Variants in DLGAP2 observed in about 807,000 individuals in gnomAD.
The protein encoded by DLGAP2 is disks large-associated protein 2.
DLGAP2 carries 26 observed loss-of-function variants against 100.3 expected under a neutral mutation model. That is an observed-to-expected ratio of 0.26 (90% confidence interval 0.19 to 0.36). The LOEUF is 0.36. Among genes scored for constraint, DLGAP2 ranks in the 10% least tolerant of loss-of-function variants. The pLI, the probability that DLGAP2 is intolerant of heterozygous loss-of-function variation, is 1.00. For missense variants in DLGAP2, 1,858 were observed against 1,453.2 expected, an observed-to-expected ratio of 1.28 and a Z score of -4.53; for synonymous variants, 886 against 630.1, an observed-to-expected ratio of 1.41 and a Z score of -6.08.
intron 3 of DLGAP2, among the ~76,000 whole-genome samples, chr8:1,499,386 C>A (rs954613919): frequency 4.6e-5 from 7 of 152,142 alleles, no homozygotes; most frequent in Admixed American, 4.6e-4. Flanking sequence ...GTTGAAGGGC[C>A]CATTGTTTTA....
At chr8:1,336,056 G>A (rs927261693) in intron 3 of DLGAP2, among the ~76,000 whole-genome samples, 23 of 152,362 alleles carry the variant, frequency 1.5e-4, no homozygotes, top group African/African-American at 4.6e-4. Flanking sequence ...CGTTCAGCCC[G>A]TCTCATGTCA....
At chr8:886,721 C>G (rs1285141398) in intron 1 of DLGAP2, among the ~76,000 whole-genome samples, 1 of 152,208 alleles carries the variant, frequency 6.6e-6, no homozygotes, top group East Asian at 1.9e-4. Flanking sequence ...TTTGATTGCA[C>G]TGTGGTCTGG....
chr8:884,043 A>G (rs1010688259), intron 1 of DLGAP2, among the ~76,000 whole-genome samples: 6 of 152,164 alleles, frequency 3.9e-5, no homozygotes, highest in African/African-American at 1.4e-4. Context: ...TCTATCATTG[A>G]TGGGCATTTG....
chr8:835,676 G>A (rs932970216), intron 1 of DLGAP2, among the ~76,000 whole-genome samples: 1 of 152,162 alleles, frequency 6.6e-6, no homozygotes, highest in Non-Finnish European at 1.5e-5. Flanking sequence ...TGCTACCTGT[G>A]AACTTGGAAT....
rs1799284847 is a variant in DLGAP2 at position 1,258,910 on chromosome 8, T to TG, written c.106+30dup. The TG allele has an allele frequency of 4.1e-6, 5 of 1,231,560 alleles. No individual in the cohort carries two copies. In the East Asian group the frequency reaches 1.6e-4, roughly 39 times the overall value. 76.3% of individuals were successfully genotyped at this position (1,231,560 alleles called of 1,614,324 possible). A position where few individuals can be genotyped will look rare whatever the true frequency, so the allele number is the denominator to read the frequency against. ...TGAGTACCTGACATGCTGCCTGGGG[T>TG]GGGCGGGGGCCGCGCGGCTCACAGG... is the stretch of plus-strand genomic sequence containing the variant. On this transcript the variant is annotated intron_variant, in intron 3 of 14. Transcript: ENST00000637795.
At chr8:1,526,677 A>C (rs540698982) in intron 4 of DLGAP2, among the ~76,000 whole-genome samples, 40 of 152,280 alleles carry the variant, frequency 2.6e-4, no homozygotes, top group African/African-American at 9.1e-4. Flanking sequence ...GGTTGACTTT[A>C]AGTCCTCTTG....
chr8:966,784 G>C (rs1584931732), intron 2 of DLGAP2, among the ~76,000 whole-genome samples: 2 of 152,304 alleles, frequency 1.3e-5, no homozygotes, highest in East Asian at 3.9e-4. Context: ...TCCTACGCTA[G>C]AAATGACTGT....
At chr8:1,428,347 G>A (rs1267079662) in intron 3 of DLGAP2, among the ~76,000 whole-genome samples, 1 of 152,106 alleles carries the variant, frequency 6.6e-6, no homozygotes, top group Admixed American at 6.5e-5. Context: ...ACAATTCAGT[G>A]AGAATGCAAA....
intron 2 of DLGAP2, among the ~76,000 whole-genome samples, chr8:1,107,262 G>C (rs1044905900): frequency 5.3e-5 from 8 of 152,200 alleles, no homozygotes; most frequent in Non-Finnish European, 1.0e-4. Flanking sequence ...CTCACAGAGA[G>C]GCTGGAGGTG....
intron 2 of DLGAP2, among the ~76,000 whole-genome samples, chr8:1,179,529 C>G (rs957373928): frequency 6.6e-6 from 1 of 152,232 alleles, no homozygotes; most frequent in Non-Finnish European, 1.5e-5. Flanking sequence ...ATGAGGCTTC[C>G]ACCTCTCTCC....
At chr8:1,316,051 A>G (rs1466092521) in intron 3 of DLGAP2, among the ~76,000 whole-genome samples, 2 of 138,954 alleles carry the variant, frequency 1.4e-5, no homozygotes, top group East Asian at 2.1e-4. Flanking sequence ...AGCTTTTAAA[A>G]ATAGAGCGTG....
At chr8:952,001 T>C (rs911652456) in intron 2 of DLGAP2, among the ~76,000 whole-genome samples, 5 of 152,238 alleles carry the variant, frequency 3.3e-5, no homozygotes, top group African/African-American at 1.2e-4. Context: ...ACTTGGACTT[T>C]GTCCTTGCCC....
rs1044240610 is a variant in DLGAP2, at chr8:925,916, C to T, written c.73+17950C>T. On this transcript the variant is annotated intron_variant, in intron 2 of 14. Transcript: ENST00000637795. The stretch of plus-strand genomic sequence containing the variant: ...TTAATTAATTAATTCAGGGTTTTCC[C>T]GCCCTACTGAATGGGGTTGCGCTCA... 5.3e-5 allele frequency among the ~76,000 whole-genome samples: 8 copies of T among 152,214 alleles called. No homozygotes were observed. In the South Asian group the frequency reaches 6.2e-4, roughly 12 times the overall value.
intron 2 of DLGAP2, among the ~76,000 whole-genome samples, chr8:1,000,029 G>C (rs7835319): frequency 2.9e-5 from 4 of 139,932 alleles, no homozygotes; most frequent in East Asian, 4.3e-4. Flanking sequence ...TCCGGGTGGA[G>C]GTGGTTTTCT....
intron 3 of DLGAP2, among the ~76,000 whole-genome samples, chr8:1,456,957 A>G (rs1798334015): frequency 6.6e-6 from 1 of 152,218 alleles, no homozygotes; most frequent in Non-Finnish European, 1.5e-5. Context: ...ATCACAGCAC[A>G]CTAATGAGCG....
chr8:1,389,566 C>A (rs1200877900), intron 3 of DLGAP2, among the ~76,000 whole-genome samples: 1 of 152,166 alleles, frequency 6.6e-6, no homozygotes, highest in Non-Finnish European at 1.5e-5. Flanking sequence ...CAGAACCAAT[C>A]TGCACAGTTC....
intron 2 of DLGAP2, among the ~76,000 whole-genome samples, chr8:1,239,482 A>G (rs1798734213): frequency 1.7e-5 from 1 of 57,330 alleles, no homozygotes; most frequent in Non-Finnish European, 3.0e-5. Context: ...CGTCATGTCT[A>G]GTTCTGTCTC....
chr8:1,129,759 C>T (rs1229200874), intron 2 of DLGAP2, among the ~76,000 whole-genome samples: 2 of 152,156 alleles, frequency 1.3e-5, no homozygotes, highest in Admixed American at 6.5e-5. Context: ...CTACGTTTTA[C>T]GATAGGAAAG....
Position 1,337,327 on chromosome 8 carries a change from GTGA to G in DLGAP2, c.106+78450_106+78452del, listed in dbSNP as rs1372772237. Among the ~76,000 whole-genome samples, 11 of 68,980 alleles carry G rather than the reference GTGA, an allele frequency of 1.6e-4. No individual in the cohort carries two copies. In the East Asian group the frequency reaches 4.5e-3, roughly 28 times the overall value. 45.3% of individuals were successfully genotyped at this position (68,980 alleles called of 152,430 possible). The stretch of plus-strand genomic sequence containing the variant: ...GGATGATGTGATGGTGAGAATGATG[GTGA>G]TGATGGTAATAGTGAGGATGATGGG... On this transcript the variant is annotated intron_variant, in intron 3 of 14. Coordinates refer to ENST00000637795, the MANE Select transcript of DLGAP2 (RefSeq NM_001346810.2).
Sources: gnomAD v4.1 joint callset for allele counts (sites outside exome capture counted in the v4.1 genomes callset) on GRCh38, gnomAD v4.1.1 for gene constraint, MANE v1.5 for transcripts, NCBI Gene and HGNC (gene_info 2026-07-23, HGNC 2026-07-21) for gene names.